ANKRD22: variants seen among roughly 807,000 people sequenced by gnomAD.
The protein encoded by ANKRD22 is ankyrin repeat domain-containing protein 22.
In ANKRD22, 24 loss-of-function variants were observed where a neutral mutation model predicts 25.7. The observed-to-expected ratio is 0.93, with a 90% CI of 0.68 to 1.31. The LOEUF is 1.31. Ranked by LOEUF, ANKRD22 falls within the 50% of genes most tolerant of loss-of-function variation. The pLI is 0.00. For synonymous variants in ANKRD22, 84 were observed against 84.3 expected (o/e 1.00, Z 0.02); for missense variants, 214 against 227.1 (o/e 0.94, Z 0.37).
chr10:88,849,996 T>G (rs1213484740), intron 1 of ANKRD22, among the ~76,000 whole-genome samples: 1 of 151,454 alleles, frequency 6.6e-6, no homozygotes, highest in Non-Finnish European at 1.5e-5. Context: ...CGCACTCAAA[T>G]TGGGGGAAGT....
Position 88,831,892 on chromosome 10 carries a change from A to G in ANKRD22, c.156T>C (p.His52=). Residue 52 remains histidine, a synonymous_variant, in exon 2 of 6, where the codon CAT becomes CAC. Transcript: ENST00000371930. Reference sequence around the variant, plus strand: ...TTAAAAGGAAGGAAACGATTCTCACATGCCCTCGCCTGCAAGCACAGATCA... The same window carrying G: ...TTAAAAGGAAGGAAACGATTCTCACGTGCCCTCGCCTGCAAGCACAGATCA... ...TPLICACRRG[H]VRIVSFLLRR... is the part of the protein sequence containing the mutation. 1 of 1,613,042 alleles carries G rather than the reference A, an allele frequency of 6.2e-7. No individual in the cohort carries two copies. Among genetic ancestry groups the G allele is most frequent in the Non-Finnish European group, 8.5e-7 (1 of 1,179,698 alleles).
At chr10:88,825,090 A>G (rs2133069525) in intron 4 of ANKRD22, among the ~76,000 whole-genome samples, 1 of 152,088 alleles carries the variant, frequency 6.6e-6, no homozygotes, top group African/African-American at 2.4e-5. Context: ...AACCGAAATG[A>G]TGTAAATAAT....
chr10:88,850,545 G>A (rs1164031775), intron 1 of ANKRD22, among the ~76,000 whole-genome samples: 1 of 152,116 alleles, frequency 6.6e-6, no homozygotes, highest in Non-Finnish European at 1.5e-5. Flanking sequence ...CATAGACTGA[G>A]TGAAACAGAC....
chr10:88,820,921 T>C lies in ANKRD22; in HGVS notation c.*2020A>G, dbSNP rs1033467410. 3.3e-5 allele frequency among the ~76,000 whole-genome samples: 5 copies of C among 152,224 alleles called. No homozygotes were observed. Among genetic ancestry groups the C allele is most frequent in the African/African-American group, 9.6e-5 (4 of 41,458 alleles). On this transcript the variant is annotated 3_prime_UTR_variant, in exon 6 of 6. Transcript: ENST00000371930. Reference sequence around the variant, plus strand: ...ACAAAATAAGCTAGACATTTTCACCTTGTTGCCACAGAGACATAACACTAC... The same window carrying C: ...ACAAAATAAGCTAGACATTTTCACCCTGTTGCCACAGAGACATAACACTAC...
intron 2 of ANKRD22, among the ~76,000 whole-genome samples, chr10:88,829,505 C>T: frequency 6.6e-6 from 1 of 152,154 alleles, no homozygotes; most frequent in Non-Finnish European, 1.5e-5. Flanking sequence ...CCAGAGTTAA[C>T]TGTTGACATT....
rs748983467 is a variant in ANKRD22 at position 88,826,081 on chromosome 10, C to T, written c.356G>A (p.Arg119Gln). Reference protein sequence around the residue: ...SKTKQNEALVRMLLDAGVEVN... With the variant: ...SKTKQNEALVQMLLDAGVEVN... ...TTCGACGCCAGCATCAAGTAGCATT[C>T]GTACAAGAGCCTCATTCTGCTTTGT... Residue 119 changes from arginine (R) to glutamine (Q), a missense_variant, in exon 4 of 6, where the codon CGA (arginine) becomes CAA (glutamine). Coordinates refer to ENST00000371930, the MANE Select transcript of ANKRD22 (RefSeq NM_144590.3). 5.0e-6 allele frequency: 8 copies of T among 1,612,968 alleles called. No homozygotes were observed. The highest frequency in any genetic ancestry group is 2.2e-5 in the East Asian group (1 of 44,882).
chr10:88,825,264 A>C (rs1053393234), intron 4 of ANKRD22, among the ~76,000 whole-genome samples: 1 of 152,244 alleles, frequency 6.6e-6, no homozygotes, highest in Non-Finnish European at 1.5e-5. Context: ...GGAATCCAAA[A>C]TTTTATTCAA....
chr10:88,843,450 C>T (rs1844021375), intron 1 of ANKRD22, among the ~76,000 whole-genome samples: 1 of 152,152 alleles, frequency 6.6e-6, no homozygotes, highest in Non-Finnish European at 1.5e-5. Flanking sequence ...GTTGCCTTTG[C>T]AGAAATGCTT....
intron 1 of ANKRD22, among the ~76,000 whole-genome samples, chr10:88,849,005 C>CGT (rs1564608738): frequency 3.2e-5 from 3 of 95,052 alleles, no homozygotes; most frequent in Non-Finnish European, 7.0e-5. Context: ...TGTGCATGTG[C>CGT]ATGTGTGTGT....
chr10:88,836,805 G>C (rs950340386), intron 1 of ANKRD22, among the ~76,000 whole-genome samples: 1 of 152,090 alleles, frequency 6.6e-6, no homozygotes. Context: ...AGTGTCATCA[G>C]AGAGTCTGCA....
At chr10:88,825,428 A>G (rs1281903875) in intron 4 of ANKRD22, among the ~76,000 whole-genome samples, 1 of 152,210 alleles carries the variant, frequency 6.6e-6, no homozygotes, top group Non-Finnish European at 1.5e-5. Context: ...TGTTGTTATC[A>G]CTGCTCTTAC....
intron 1 of ANKRD22, among the ~76,000 whole-genome samples, chr10:88,846,682 C>T (rs552165199): frequency 2.0e-5 from 3 of 152,170 alleles, no homozygotes; most frequent in Non-Finnish European, 4.4e-5. Context: ...AAGCTTTTGC[C>T]TATTACAGCA....
At position 88,822,675 on chromosome 10, in the gene ANKRD22, G is replaced by A; in HGVS notation, c.*266C>T. On this transcript the variant is annotated 3_prime_UTR_variant, in exon 6 of 6. Transcript: ENST00000371930. ...TGGGATTACAGGCATGTACCACTGT[G>A]CCTAGCTGAAACATCAGTTTCTGAC... The A allele has an allele frequency of 2.8e-6, 1 of 351,828 alleles. No individual in the cohort carries two copies. The highest frequency in any genetic ancestry group is 5.3e-6 in the Non-Finnish European group (1 of 189,388). The allele number at this position is 351,828 out of a possible 1,614,324, so 21.8% of individuals were successfully genotyped here.
intron 1 of ANKRD22, among the ~76,000 whole-genome samples, chr10:88,849,236 C>G (rs938849156): frequency 6.6e-6 from 1 of 151,998 alleles, no homozygotes; most frequent in Admixed American, 6.6e-5. Context: ...TTCTTCTTTC[C>G]GATTTTTGTG....
chr10:88,820,145 C>A lies in ANKRD22; in HGVS notation c.*2796G>T. The A allele has an allele frequency of 9.2e-7, 1 of 1,091,538 alleles. No homozygotes were observed. Among genetic ancestry groups the A allele is most frequent in the Non-Finnish European group, 1.3e-6 (1 of 772,466 alleles). 67.6% of individuals were successfully genotyped at this position (1,091,538 alleles called of 1,614,324 possible). On this transcript the variant is annotated 3_prime_UTR_variant, in exon 6 of 6. Coordinates refer to ENST00000371930, the MANE Select transcript of ANKRD22 (RefSeq NM_144590.3). ...ATGTACCCTTCACCACAACAGATGG[C>A]ATGTTTATTATGTCTATTTGAAACA...
rs189978748 is a variant in ANKRD22 at position 88,831,706 on chromosome 10, T to C, written c.213+129A>G. 286 of 909,754 alleles carry C rather than the reference T, an allele frequency of 3.1e-4. 1 individual carries two copies. The African/African-American group carries it at 3.9e-3, about 12-fold the overall frequency. The allele number at this position is 909,754 out of a possible 1,614,324, so 56.4% of individuals were successfully genotyped here. A position where few individuals can be genotyped will look rare whatever the true frequency, so the allele number is the denominator to read the frequency against. On this transcript the variant is annotated intron_variant, in intron 2 of 5. Coordinates refer to ENST00000371930, the MANE Select transcript of ANKRD22 (RefSeq NM_144590.3). ...TTGGTATGTGTCAGTCTTTCTAAAG[T>C]AGGCTAAGATAATTGTTCGTATTAG...
At position 88,822,704 on chromosome 10, in the gene ANKRD22, A is replaced by C; in HGVS notation, c.*237T>G. 2.2e-6 allele frequency: 1 copy of C among 448,402 alleles called. No individual in the cohort carries two copies. The allele number at this position is 448,402 out of a possible 1,614,324, so 27.8% of individuals were successfully genotyped here. A position where few individuals can be genotyped will look rare whatever the true frequency, so the allele number is the denominator to read the frequency against. ...AGCTGAAACATCAGTTTCTGACTGA[A>C]GTGGAGACTACAACAACTTTAGTGT... is the stretch of plus-strand genomic sequence containing the variant. On this transcript the variant is annotated 3_prime_UTR_variant, in exon 6 of 6. Transcript: ENST00000371930.
chr10:88,849,763 C>A (rs879617453), intron 1 of ANKRD22, among the ~76,000 whole-genome samples: 17 of 152,040 alleles, frequency 1.1e-4, no homozygotes, highest in Non-Finnish European at 2.4e-4. Context: ...AATGAATCAG[C>A]CTTGTTTAAA....
chr10:88,824,316 A>G (rs929183133), intron 4 of ANKRD22, among the ~76,000 whole-genome samples: 2 of 152,258 alleles, frequency 1.3e-5, no homozygotes, highest in African/African-American at 2.4e-5. Context: ...CCAAGCAACC[A>G]TGGTGCTGGT....
Sources: gnomAD v4.1 joint callset for allele counts (sites outside exome capture counted in the v4.1 genomes callset) on GRCh38, gnomAD v4.1.1 for gene constraint, MANE v1.5 for transcripts, NCBI Gene and HGNC (gene_info 2026-07-23, HGNC 2026-07-21) for gene names.